Variants in ZFYVE16 observed in about 807,000 individuals in gnomAD.
The protein encoded by ZFYVE16 is zinc finger FYVE domain-containing protein 16.
ZFYVE16 carries 89 observed loss-of-function variants against 138.1 expected under a neutral mutation model. That is an observed-to-expected ratio of 0.64 (90% CI 0.54 to 0.77). ZFYVE16 has a LOEUF of 0.77. Among genes scored for constraint, ZFYVE16 ranks in the 30% least tolerant of loss-of-function variants. The pLI, the probability that ZFYVE16 is intolerant of heterozygous loss-of-function variation, is 0.00. For missense variants in ZFYVE16, 1,793 were observed against 1,786.7 expected (o/e 1.00, Z -0.06); for synonymous variants, 596 against 618.3 (o/e 0.96, Z 0.53).
At chr5:80,463,108 G>A (rs1256794271) in intron 15 of ZFYVE16, among the ~76,000 whole-genome samples, 1 of 152,190 alleles carries the variant, frequency 6.6e-6, no homozygotes, top group Admixed American at 6.5e-5. Flanking sequence ...TCTGGAGGAT[G>A]GTGACCCTCT....
At position 80,434,211 on chromosome 5, in the gene ZFYVE16, A is replaced by T; in HGVS notation, c.64A>T (p.Asn22Tyr). ...CAAACTCCTTGATGATTTTGAACAG[A>T]ACCCAGGTTTGTTGATTTTCCATTT... ...LDKLLDDFEQ[N>Y]PDEQDYLQDV... The change falls in exon 3 of 19, where the codon AAC becomes TAC. Residue 22 changes from asparagine (N) to tyrosine (Y), a missense_variant. Asn to Tyr is a moderately radical substitution (Grantham distance 143, BLOSUM62 -2). Around this residue, in one of 2 missense-constraint regions of ZFYVE16, gnomAD observed 1,295 missense variants for 1,204.3 expected, o/e 1.08. Coordinates refer to ENST00000505560, the MANE Select transcript of ZFYVE16 (RefSeq NM_001284236.3). The T allele has an allele frequency of 6.2e-7, 1 of 1,613,066 alleles. No individual in the cohort carries two copies. Among genetic ancestry groups the T allele is most frequent in the Non-Finnish European group, 8.5e-7 (1 of 1,179,420 alleles).
At chr5:80,434,722 C>T (rs1749627153) in intron 3 of ZFYVE16, among the ~76,000 whole-genome samples, 4 of 152,132 alleles carry the variant, frequency 2.6e-5, no homozygotes, top group Admixed American at 2.0e-4. Context: ...CCTCCTGCTT[C>T]AGCCTACCAA....
chr5:80,421,056 G>A (rs989520283), intron 1 of ZFYVE16, among the ~76,000 whole-genome samples: 1 of 152,196 alleles, frequency 6.6e-6, no homozygotes, highest in African/African-American at 2.4e-5. Flanking sequence ...GTGATGATGA[G>A]CATTTTTTCA....
rs762836239 is a variant in ZFYVE16 at position 80,438,977 on chromosome 5, A to G, written c.2292A>G (p.Lys764=). 6.2e-7 allele frequency: 1 copy of G among 1,612,720 alleles called. No homozygotes were observed. Among genetic ancestry groups the G allele is most frequent in the South Asian group, 1.1e-5 (1 of 90,932 alleles). Residue 764 remains lysine, a synonymous_variant, in exon 4 of 19, where the codon AAA becomes AAG. Transcript: ENST00000505560. Reference sequence around the variant, plus strand: ...GCCAAGTCAAATTTACTTTTACCAAACGGCGACACCATTGCCGAGCATGTG... The same window carrying G: ...GCCAAGTCAAATTTACTTTTACCAAGCGGCGACACCATTGCCGAGCATGTG... ...MNCQVKFTFT[K]RRHHCRACGK...
rs771155234 is a variant in ZFYVE16 at position 80,445,286 on chromosome 5, A to G, written c.2605A>G (p.Arg869Gly). Reference sequence around the variant, plus strand: ...AGGACTATGTTCCAAAGAACAGAAGAGAGTATGGTTTGCAGATGGTATATT... The same window carrying G: ...AGGACTATGTTCCAAAGAACAGAAGGGAGTATGGTTTGCAGATGGTATATT... ...VEGLCSKEQK[R>G]VWFADGILPN... is the part of the protein sequence containing the mutation. The change falls in exon 7 of 19, where the codon AGA becomes GGA. Residue 869 changes from arginine to glycine, a missense_variant. By Grantham distance (125) the Arg-to-Gly change is moderately radical. Around this residue, in one of 2 missense-constraint regions of ZFYVE16, gnomAD observed 1,295 missense variants for 1,204.3 expected, o/e 1.08. Transcript: ENST00000505560. 1 of 1,613,518 alleles carries G rather than the reference A, an allele frequency of 6.2e-7. No individual in the cohort carries two copies. The highest frequency in any genetic ancestry group is 1.3e-5 in the African/African-American group (1 of 74,898).
Position 80,444,445 on chromosome 5 carries a change from CTT to C in ZFYVE16, c.2582-804_2582-803del, listed in dbSNP as rs61461674. Among the ~76,000 whole-genome samples the C allele has an allele frequency of 4.6e-3, 662 of 145,100 alleles. 3 individuals carry two copies. Among genetic ancestry groups the C allele is most frequent in the African/African-American group, 0.011 (439 of 39,506 alleles). On this transcript the variant is annotated intron_variant, in intron 6 of 18. Coordinates refer to ENST00000505560, the MANE Select transcript of ZFYVE16 (RefSeq NM_001284236.3). The stretch of plus-strand genomic sequence containing the variant: ...GATGTTCTGGAAAGCAGACATTGAA[CTT>C]TTTTTTTTTTTTTAAAGTATTCTAA...
Position 80,473,782 on chromosome 5 carries a change from T to C in ZFYVE16, c.4216T>C (p.Leu1406=), listed in dbSNP as rs1754615805. 6.2e-7 allele frequency: 1 copy of C among 1,612,836 alleles called. No homozygotes were observed. Among genetic ancestry groups the C allele is most frequent in the South Asian group, 1.1e-5 (1 of 91,006 alleles). Reference sequence around the variant, plus strand: ...TATCAGTTCAGTGGATGGAATATCATTACAAGGATTTCCAAGTGAAAAAAT... The same window carrying C: ...TATCAGTTCAGTGGATGGAATATCACTACAAGGATTTCCAAGTGAAAAAAT... ...GVISSVDGIS[L]QGFPSEKIKL... The change falls in exon 17 of 19, where the codon TTA becomes CTA. Residue 1406 remains leucine, a synonymous_variant. Transcript: ENST00000505560.
At chr5:80,477,119 T>A in intron 18 of ZFYVE16, 100 bp from the exon 19 acceptor site, 1 of 991,840 alleles carries the variant, frequency 1.0e-6, no homozygotes, top group South Asian at 1.7e-5. Flanking sequence ...TTATTTAACA[T>A]GCTTGAACTG....
At chr5:80,463,521 T>A (rs1753358327) in intron 15 of ZFYVE16, among the ~76,000 whole-genome samples, 1 of 151,752 alleles carries the variant, frequency 6.6e-6, no homozygotes, top group African/African-American at 2.4e-5. Context: ...GGAGGGACTG[T>A]TGTGAAGGTC....
chr5:80,442,118 T>C (rs1024279422), intron 5 of ZFYVE16: 1 of 197,198 alleles, frequency 5.1e-6, no homozygotes, highest in Non-Finnish European at 9.2e-6. Context: ...AATTTTTTCT[T>C]TTTGAGATGG....
chr5:80,480,791 C>A lies in ZFYVE16; in HGVS notation c.*3414C>A, dbSNP rs932488644. 6.6e-6 allele frequency among the ~76,000 whole-genome samples: 1 copy of A among 152,020 alleles called. No homozygotes were observed. Among genetic ancestry groups the A allele is most frequent in the African/African-American group, 2.4e-5 (1 of 41,364 alleles). ...AAAAATTTTGCCAGGTGTGGTGGCT[C>A]ATACTTGTGGTCCCAGCTTCACGGG... is the stretch of plus-strand genomic sequence containing the variant. On this transcript the variant is annotated 3_prime_UTR_variant, in exon 19 of 19. Transcript: ENST00000505560.
At chr5:80,435,675 CCT>C (rs1749799393) in intron 3 of ZFYVE16, 1 of 399,384 alleles carries the variant, frequency 2.5e-6, no homozygotes, top group South Asian at 1.8e-5. Flanking sequence ...CTCAGGCAAT[CCT>C]CTCACCTCAG....
In ZFYVE16 at chr5:80,478,509, TGGG is replaced by T. The variant is rs1324113781; in HGVS notation, c.*1136_*1138del. 2.6e-5 allele frequency: 4 copies of T among 152,024 alleles called. No homozygotes were observed. Among genetic ancestry groups the T allele is most frequent in the Non-Finnish European group, 1.5e-5 (1 of 67,934 alleles). The allele number at this position is 152,024 out of a possible 1,614,324, so 9.4% of individuals were successfully genotyped here. On this transcript the variant is annotated 3_prime_UTR_variant, in exon 19 of 19. Coordinates refer to ENST00000505560, the MANE Select transcript of ZFYVE16 (RefSeq NM_001284236.3). ...CTCTTTACTTCAAACAGCAAAAAAGTGGGGGGCATATTGTAGTCCTGTCATTTA... is the reference window on the plus strand; with the variant it reads ...CTCTTTACTTCAAACAGCAAAAAAGTGGGCATATTGTAGTCCTGTCATTTA...
In ZFYVE16 at chr5:80,450,594, A is replaced by AT; in HGVS notation, c.3382+12dup. 6.2e-7 allele frequency: 1 copy of AT among 1,612,460 alleles called. No individual in the cohort carries two copies. Among genetic ancestry groups the AT allele is most frequent in the African/African-American group, 1.3e-5 (1 of 74,966 alleles). ...ATAAGGATGCTCTAAAAGGTATGGC[A>AT]TTTTATTTTGAACTGTTCAGACTGG... On this transcript the variant is annotated intron_variant, in intron 10 of 18. Transcript: ENST00000505560.
At chr5:80,408,469 A>ACCC (rs1436661128) in intron 1 of ZFYVE16, among the ~76,000 whole-genome samples, 1 of 152,094 alleles carries the variant, frequency 6.6e-6, no homozygotes, top group East Asian at 1.9e-4. Context: ...TGGGGGAGAG[A>ACCC]CCCCAGCGGA....
At chr5:80,422,775 C>G (rs950408323) in intron 1 of ZFYVE16, among the ~76,000 whole-genome samples, 1 of 152,022 alleles carries the variant, frequency 6.6e-6, no homozygotes, top group African/African-American at 2.4e-5. Context: ...TTATTAGCAT[C>G]AATTTATGTG....
rs970947369 is a variant in ZFYVE16, at chr5:80,480,462, C to T, written c.*3085C>T. Among the ~76,000 whole-genome samples the T allele has an allele frequency of 1.1e-4, 17 of 151,148 alleles. No homozygotes were observed. Among genetic ancestry groups the T allele is most frequent in the African/African-American group, 4.1e-4 (17 of 41,282 alleles). Reference sequence around the variant, plus strand: ...AAAAACAGAAGACCTGTAGAGAATACAGTGAAAAATCCTAAGTGCTTCATT... The same window carrying T: ...AAAAACAGAAGACCTGTAGAGAATATAGTGAAAAATCCTAAGTGCTTCATT... On this transcript the variant is annotated 3_prime_UTR_variant, in exon 19 of 19. Transcript: ENST00000505560.
chr5:80,440,792 A>G, intron 5 of ZFYVE16: 1 of 984,732 alleles, frequency 1.0e-6, no homozygotes, highest in Non-Finnish European at 1.2e-6. Context: ...CCTAGCAAAT[A>G]TTACTTGGGC....
intron 2 of ZFYVE16, among the ~76,000 whole-genome samples, chr5:80,427,927 G>A (rs113558427): frequency 0.019 from 2,294 of 118,294 alleles, 55 homozygotes; most frequent in African/African-American, 0.066. Flanking sequence ...AGCCAAGACA[G>A]CATCACTGCA....
Sources: allele counts gnomAD v4.1 joint callset (sites outside exome capture counted in the v4.1 genomes callset), GRCh38; gene constraint gnomAD v4.1.1; regional missense constraint gnomAD v4.1.1; transcripts MANE v1.5; gene names NCBI Gene and HGNC (gene_info 2026-07-23, HGNC 2026-07-21).